The following LRRIQ3 variants were observed in gnomAD, a reference collection of about 807,000 sequenced individuals.
LRRIQ3 encodes the protein leucine rich repeats and IQ motif containing 3.
Under a neutral mutation model 59.3 loss-of-function variants are expected in LRRIQ3, and 75 were observed. That is an observed-to-expected ratio of 1.26 (90% CI 1.05 to 1.53). The LOEUF (loss-of-function observed/expected upper bound fraction) is 1.53. LRRIQ3 is among the 40% of genes most tolerant of loss of function. LRRIQ3 has a pLI of 0.00. For synonymous variants in LRRIQ3, 250 were observed against 231.3 expected (o/e 1.08, Z -0.73); for missense variants, 831 against 710.0 (o/e 1.17, Z -1.94).
In LRRIQ3 at chr1:74,144,659, T is replaced by A. The variant is rs2100644537; in HGVS notation, c.707+11074A>T. On this transcript the variant is annotated intron_variant, in intron 4 of 7. Transcript: ENST00000354431. ...ACTTTTTCTATATAAAGCTAATTAG[T>A]AAATATGTAGGCGCTGGAGTGTACA... 3 of 190,590 alleles carry A rather than the reference T, an allele frequency of 1.6e-5. No homozygotes were observed. In the South Asian group the frequency reaches 2.6e-4, roughly 17 times the overall value. The allele number at this position is 190,590 out of a possible 1,614,324, so 11.8% of individuals were successfully genotyped here.
chr1:74,113,905 T>A (rs1646738541), intron 4 of LRRIQ3, among the ~76,000 whole-genome samples: 1 of 151,810 alleles, frequency 6.6e-6, no homozygotes, highest in Admixed American at 6.6e-5. Flanking sequence ...TTCTCTTAAC[T>A]AATTGAAAAA....
At chr1:74,119,281 AC>A (rs1417331914) in intron 4 of LRRIQ3, among the ~76,000 whole-genome samples, 1 of 151,852 alleles carries the variant, frequency 6.6e-6, no homozygotes, top group Non-Finnish European at 1.5e-5. Context: ...TAATTTGCAT[AC>A]TCTTGAATAT....
chr1:74,188,245 C>T (rs185779906), intron 1 of LRRIQ3, among the ~76,000 whole-genome samples: 1 of 151,996 alleles, frequency 6.6e-6, no homozygotes, highest in South Asian at 2.1e-4. Context: ...TAAAGGGGAA[C>T]AACACACTGG....
intron 3 of LRRIQ3, among the ~76,000 whole-genome samples, chr1:74,179,644 A>C (rs1649858768): frequency 1.3e-5 from 2 of 152,142 alleles, no homozygotes; most frequent in South Asian, 4.1e-4. Flanking sequence ...GCTGTAAATT[A>C]AATAAAATAC....
At chr1:74,186,885 G>T (rs1325462665) in intron 1 of LRRIQ3, among the ~76,000 whole-genome samples, 1 of 151,922 alleles carries the variant, frequency 6.6e-6, no homozygotes, top group African/African-American at 2.4e-5. Flanking sequence ...ACTTAATGCA[G>T]TGTCTTTTCC....
chr1:74,180,609 C>A lies in LRRIQ3; in HGVS notation c.573+1929G>T, dbSNP rs1649917611. On this transcript the variant is annotated intron_variant, in intron 3 of 7. Coordinates refer to ENST00000354431, the MANE Select transcript of LRRIQ3 (RefSeq NM_001105659.2). ...GTAGAGGAGTATTTCCACACTTATTCTTCTCCTCTTTCCACACTCAGTGTG... is the reference window on the plus strand; with the variant it reads ...GTAGAGGAGTATTTCCACACTTATTATTCTCCTCTTTCCACACTCAGTGTG... 6 of 1,029,592 alleles carry A rather than the reference C, an allele frequency of 5.8e-6. No individual in the cohort carries two copies. The South Asian group carries it at 8.9e-5, about 15-fold the overall frequency. The allele number at this position is 1,029,592 out of a possible 1,614,324, so 63.8% of individuals were successfully genotyped here. A position where few individuals can be genotyped will look rare whatever the true frequency, so the allele number is the denominator to read the frequency against.
chr1:74,158,929 C>G (rs1402471005), intron 3 of LRRIQ3, among the ~76,000 whole-genome samples: 1 of 152,072 alleles, frequency 6.6e-6, no homozygotes, highest in Non-Finnish European at 1.5e-5. Flanking sequence ...TTCCCCTGGG[C>G]CCCTGAACTT....
At chr1:74,112,451 T>C (rs1646709941) in intron 4 of LRRIQ3, among the ~76,000 whole-genome samples, 1 of 152,048 alleles carries the variant, frequency 6.6e-6, no homozygotes, top group Non-Finnish European at 1.5e-5. Flanking sequence ...CTAAGAAGAA[T>C]ATCGGGATTA....
intron 5 of LRRIQ3, among the ~76,000 whole-genome samples, chr1:74,085,323 CAA>C (rs61216155): frequency 0.097 from 11,758 of 121,624 alleles, 744 homozygotes; most frequent in African/African-American, 0.22. Flanking sequence ...TACATGGTGG[CAA>C]AAAAAAAAAA....
chr1:74,057,872 G>T (rs1417433490), intron 6 of LRRIQ3, among the ~76,000 whole-genome samples: 2 of 151,812 alleles, frequency 1.3e-5, no homozygotes, highest in African/African-American at 4.8e-5. Context: ...AAACTCAATA[G>T]CTAAAAAAAC....
At chr1:74,185,746 A>G (rs912855390) in intron 1 of LRRIQ3, among the ~76,000 whole-genome samples, 17 of 151,914 alleles carry the variant, frequency 1.1e-4, no homozygotes, top group Non-Finnish European at 2.1e-4. Context: ...GATCAAGACC[A>G]TCCTGGCTAA....
intron 5 of LRRIQ3, among the ~76,000 whole-genome samples, chr1:74,079,548 T>C (rs1646249416): frequency 6.6e-6 from 1 of 152,004 alleles, no homozygotes; most frequent in South Asian, 2.1e-4. Context: ...GTTTTATTTA[T>C]AACATTTATC....
chr1:74,089,975 T>A (rs1383387747), intron 5 of LRRIQ3, among the ~76,000 whole-genome samples: 3 of 152,044 alleles, frequency 2.0e-5, no homozygotes, highest in Non-Finnish European at 4.4e-5. Context: ...AAAATTATTA[T>A]AATTTTTCAG....
intron 6 of LRRIQ3, among the ~76,000 whole-genome samples, chr1:74,059,892 C>A (rs1335756909): frequency 6.6e-6 from 1 of 151,970 alleles, no homozygotes; most frequent in Non-Finnish European, 1.5e-5. Flanking sequence ...GTACTTCCTT[C>A]ATTAAATTTA....
At chr1:74,041,123 A>G in intron 7 of LRRIQ3, 90 bp downstream of exon 7, 1 of 1,046,252 alleles carries the variant, frequency 9.6e-7, no homozygotes, top group Non-Finnish European at 1.4e-6. Flanking sequence ...TGTTACAAAC[A>G]GCATACTAAT....
chr1:74,068,895 T>C (rs1180029821), intron 6 of LRRIQ3, among the ~76,000 whole-genome samples: 1 of 150,870 alleles, frequency 6.6e-6, no homozygotes, highest in Non-Finnish European at 1.5e-5. Flanking sequence ...AGGTGACAAA[T>C]TGGATGAATT....
At chr1:74,183,783 T>G (rs866733636) in intron 1 of LRRIQ3, 99 bp from the exon 2 acceptor site, 8 of 1,027,750 alleles carry the variant, frequency 7.8e-6, no homozygotes, top group Middle Eastern at 2.4e-4. Flanking sequence ...AAGTAAAAAG[T>G]GTTATTAAAG....
At chr1:74,167,711 A>G (rs1220276973) in intron 3 of LRRIQ3, among the ~76,000 whole-genome samples, 1 of 151,830 alleles carries the variant, frequency 6.6e-6, no homozygotes, top group Middle Eastern at 3.2e-3. Context: ...TCACCACTAA[A>G]GAACTTATTC....
chr1:74,161,347 C>T (rs999519352), intron 3 of LRRIQ3, among the ~76,000 whole-genome samples: 5 of 152,002 alleles, frequency 3.3e-5, no homozygotes, highest in Non-Finnish European at 7.4e-5. Context: ...TCACCTTCAT[C>T]GTATCCGACA....
Sources: gnomAD v4.1 joint callset for allele counts (sites outside exome capture counted in the v4.1 genomes callset) on GRCh38, gnomAD v4.1.1 for gene constraint, MANE v1.5 for transcripts, NCBI Gene and HGNC (gene_info 2026-07-23, HGNC 2026-07-21) for gene names.